The following CCDC142 variants were observed in gnomAD, a reference collection of about 807,000 sequenced individuals.
CCDC142 encodes the protein coiled-coil domain-containing protein 142.
CCDC142 carries 67 observed loss-of-function variants against 83.8 expected under a neutral mutation model. The ratio of observed to expected loss-of-function variants is 0.80; its 90% CI spans 0.66 to 0.98. CCDC142 has a LOEUF of 0.98. Among genes scored for constraint, CCDC142 ranks in the 50% least tolerant of loss-of-function variants. The pLI, the probability that CCDC142 is intolerant of heterozygous loss-of-function variation, is 0.00. For synonymous variants in CCDC142, 421 were observed against 421.2 expected (o/e 1.00, Z 0.01); for missense variants, 905 against 946.8 (o/e 0.96, Z 0.58).
chr2:74,482,383 GC>G lies in CCDC142; in HGVS notation c.454del (p.Ala152ArgfsTer16). The G allele has an allele frequency of 6.3e-7, 1 of 1,577,520 alleles. No homozygotes were observed. On this transcript the variant is annotated frameshift_variant, in exon 1 of 9. Coordinates refer to ENST00000393965, the MANE Select transcript of CCDC142 (RefSeq NM_001365575.2). LOFTEE classifies it high-confidence loss of function. This position sits in a 1 kb window ranked among gnomAD's most constrained non-coding sequence, Gnocchi z 5.0. ...CTCCCCAGGGCCGATTCGCAGAACC[GC>G]CCCTTGGGAAGGGTGCAGCTGCAGG... ...RDLQLHPSQGAVLRIGPGETL... is the reference protein window; with the variant it reads ...RDLQLHPSQGXVLRIGPGETL...
At chr2:74,477,344 C>G (rs941247471) in intron 5 of CCDC142, among the ~76,000 whole-genome samples, 1 of 152,180 alleles carries the variant, frequency 6.6e-6, no homozygotes, top group Non-Finnish European at 1.5e-5. Flanking sequence ...TCACAAACTC[C>G]TGACCTCAAG....
chr2:74,476,292 G>C (rs930658123), intron 5 of CCDC142, among the ~76,000 whole-genome samples: 2 of 151,984 alleles, frequency 1.3e-5, no homozygotes, highest in Non-Finnish European at 2.9e-5. Context: ...CCTGCCTCAG[G>C]CTCCCAAGTA....
At chr2:74,475,781 T>C in intron 5 of CCDC142, 55 bp from the exon 6 acceptor site, 1 of 1,096,164 alleles carries the variant, frequency 9.1e-7, no homozygotes. Context: ...TGATCCTCTA[T>C]ATCTAAGGAG....
intron 6 of CCDC142, 47 bp from the exon 7 acceptor site, chr2:74,475,449 C>A (rs751875990): frequency 6.6e-7 from 1 of 1,520,004 alleles, no homozygotes; most frequent in East Asian, 2.3e-5. Context: ...TCCATTGAAC[C>A]CCTAAATGGA....
intron 5 of CCDC142, among the ~76,000 whole-genome samples, chr2:74,478,047 T>C (rs975610361): frequency 2.0e-5 from 3 of 147,166 alleles, no homozygotes; most frequent in East Asian, 3.9e-4. Context: ...TATATAGATA[T>C]AATATAAATA....
At position 74,475,121 on chromosome 2, in the gene CCDC142, G is replaced by A. The variant is rs761412740; in HGVS notation, c.1797-6C>T. On this transcript the variant is annotated splice_region_variant and splice_polypyrimidine_tract_variant and intron_variant, in intron 7 of 8. Coordinates refer to ENST00000393965, the MANE Select transcript of CCDC142 (RefSeq NM_001365575.2). ...GCTGCAGCGCTCCCTGCAGGCTGAAGGCAGAGGTACAGTATGGCCACTTGA... is the reference window on the plus strand; with the variant it reads ...GCTGCAGCGCTCCCTGCAGGCTGAAAGCAGAGGTACAGTATGGCCACTTGA... 7.5e-6 allele frequency: 12 copies of A among 1,610,202 alleles called. No individual in the cohort carries two copies. In the South Asian group the frequency reaches 1.2e-4, roughly 16 times the overall value.
intron 5 of CCDC142, among the ~76,000 whole-genome samples, chr2:74,476,334 A>C (rs1464360264): frequency 2.0e-5 from 3 of 152,068 alleles, no homozygotes; most frequent in Non-Finnish European, 4.4e-5. Context: ...CACCACACCC[A>C]GCTAATTTTT....
rs1194542725 is a variant in CCDC142, at chr2:74,481,159, CAG to C, written c.1258+62_1258+63del. 3 of 1,611,100 alleles carry C rather than the reference CAG, an allele frequency of 1.9e-6. No homozygotes were observed. In the African/African-American group the frequency reaches 4.0e-5, roughly 22 times the overall value. On this transcript the variant is annotated intron_variant, in intron 3 of 8. Coordinates refer to ENST00000393965, the MANE Select transcript of CCDC142 (RefSeq NM_001365575.2). The stretch of plus-strand genomic sequence containing the variant: ...CTTTGGGAAGAGGCAGATTTCAGAA[CAG>C]AGTGAAAGAAAAGAGATATCCTCAA...
Position 74,474,712 on chromosome 2 carries a change from G to T in CCDC142, c.2087C>A (p.Ser696Tyr). 33 of 1,614,228 alleles carry T rather than the reference G, an allele frequency of 2.0e-5. No individual in the cohort carries two copies. The highest frequency in any genetic ancestry group is 2.8e-5 in the Non-Finnish European group (33 of 1,180,044). The change falls in exon 9 of 9, where the codon TCT (serine) becomes TAT (tyrosine). Residue 696 changes from serine (S) to tyrosine (Y), a missense_variant. Physicochemically the swap from Ser to Tyr is moderately radical, Grantham distance 144. Transcript: ENST00000393965. ...SLEPPLQPGTSPAQTGQLQST... is the reference protein window; with the variant it reads ...SLEPPLQPGTYPAQTGQLQST... ...TTGCAGCTGACCTGTCTGGGCTGGA[G>T]ATGTTCCAGGCTGGAGCGGGGGCTC...
At position 74,475,364 on chromosome 2, in the gene CCDC142, C is replaced by T. The variant is rs1472030959; in HGVS notation, c.1657G>A (p.Val553Ile). The T allele has an allele frequency of 2.5e-6, 4 of 1,602,994 alleles. No individual in the cohort carries two copies. Among genetic ancestry groups the T allele is most frequent in the Non-Finnish European group, 3.4e-6 (4 of 1,174,176 alleles). The stretch of plus-strand genomic sequence containing the variant: ...AACACAGGCTCCAGTACGGTGCGGA[C>T]CACTAAACCAGCATACTCACTAGGA... ...SAPSEYAGLVVRTVLEPVLQG... is the reference protein window; with the variant it reads ...SAPSEYAGLVIRTVLEPVLQG... Residue 553 changes from valine to isoleucine, a missense_variant, in exon 7 of 9, where the codon GTC (valine) becomes ATC (isoleucine). By Grantham distance (29) the Val-to-Ile change is conservative. Transcript: ENST00000393965.
At position 74,481,244 on chromosome 2, in the gene CCDC142, G is replaced by C. The variant is rs200358407; in HGVS notation, c.1237C>G (p.Arg413Gly). 4.3e-6 allele frequency: 7 copies of C among 1,613,968 alleles called. No individual in the cohort carries two copies. In the Admixed American group the frequency reaches 6.7e-5, roughly 15 times the overall value. The change falls in exon 3 of 9, where the codon CGG becomes GGG. Residue 413 changes from arginine (R) to glycine (G), a missense_variant. By Grantham distance (125) the Arg-to-Gly change is moderately radical. Around this residue, in one of 3 missense-constraint regions of CCDC142, gnomAD observed 591 missense variants for 571.4 expected, o/e 1.03. Transcript: ENST00000393965. ...TCACCTGCAGGCTGGCAGAAAATCC[G>C]TCGTAACCTGGGCTCTCGAAGGGCA... ...LDALREPRLR[R>G]IFCQPADPAP...
Position 74,475,644 on chromosome 2 carries a change from C to G in CCDC142, c.1586G>C (p.Arg529Pro), listed in dbSNP as rs774851070. Residue 529 changes from arginine (R) to proline (P), a missense_variant, in exon 6 of 9, where the codon CGG (arginine) becomes CCG (proline). Arg to Pro is a moderately radical substitution (Grantham distance 103). Around this residue, in one of 3 missense-constraint regions of CCDC142, gnomAD observed 265 missense variants for 288.9 expected, o/e 0.92. Transcript: ENST00000393965. ...GAGACGAAGCCGCCAGTACCGACCCCGTGGCATGTAGAGCTTGAAACCTTG... is the reference window on the plus strand; with the variant it reads ...GAGACGAAGCCGCCAGTACCGACCCGGTGGCATGTAGAGCTTGAAACCTTG... Reference protein sequence around the residue: ...AMQGFKLYMPRGRYWRLRLCP... With the variant: ...AMQGFKLYMPPGRYWRLRLCP... 6 of 1,613,920 alleles carry G rather than the reference C, an allele frequency of 3.7e-6. No individual in the cohort carries two copies. The highest frequency in any genetic ancestry group is 4.2e-6 in the Non-Finnish European group (5 of 1,180,004).
intron 5 of CCDC142, among the ~76,000 whole-genome samples, chr2:74,476,211 C>T (rs763822676): frequency 3.3e-5 from 5 of 152,048 alleles, no homozygotes; most frequent in Non-Finnish European, 7.4e-5. Flanking sequence ...CTTGCTGTGT[C>T]GCCCAGACTG....
chr2:74,473,603 A>AGGCGTGAGCC lies in CCDC142; in HGVS notation c.*933_*942dup, dbSNP rs1232237202. On this transcript the variant is annotated 3_prime_UTR_variant, in exon 9 of 9. Transcript: ENST00000393965. ...AAGTGCTGGGATTACAGGCGTGAGC[A>AGGCGTGAGCC]GGCGTGAGCCCCCTCACCTGGCCGA... is the stretch of plus-strand genomic sequence containing the variant. 2.0e-5 allele frequency among the ~76,000 whole-genome samples: 3 copies of AGGCGTGAGCC among 150,434 alleles called. No homozygotes were observed. The highest frequency in any genetic ancestry group is 4.5e-5 in the Non-Finnish European group (3 of 67,398).
In CCDC142 at chr2:74,474,618, G is replaced by A. The variant is rs780945153; in HGVS notation, c.2181C>T (p.Ala727=). 6.2e-7 allele frequency: 1 copy of A among 1,614,216 alleles called. No homozygotes were observed. The highest frequency in any genetic ancestry group is 8.5e-7 in the Non-Finnish European group (1 of 1,180,038). The change falls in exon 9 of 9, where the codon GCC becomes GCT. Residue 727 remains alanine, a synonymous_variant. Transcript: ENST00000393965. ...YLVGNQQAWL[A]LRQHQRPRWH... ...AACGGGGTCGCTGGTGTTGCCTGAG[G>A]GCAAGCCAGGCCTGCTGATTTCCCA... is the stretch of plus-strand genomic sequence containing the variant.
Position 74,482,062 on chromosome 2 carries a change from G to A in CCDC142, c.776C>T (p.Ala259Val), listed in dbSNP as rs1558575524. 6.2e-7 allele frequency: 1 copy of A among 1,613,546 alleles called. No homozygotes were observed. The highest frequency in any genetic ancestry group is 1.7e-5 in the Admixed American group (1 of 60,006). Residue 259 changes from alanine to valine, a missense_variant, in exon 1 of 9, where the codon GCG becomes GTG. Ala to Val is a moderately conservative substitution (Grantham distance 64). Coordinates refer to ENST00000393965, the MANE Select transcript of CCDC142 (RefSeq NM_001365575.2). The surrounding 1 kb of genome is among the most constrained non-coding windows in gnomAD (Gnocchi z 5.0). ...CCGCCTGCGGAGCTGGTCCCTCAAC[G>A]CCGATCCTTGGAGCGCCTCGTCCAG... ...SRLDEALQGS[A>V]LRDQLRRRCQ...
intron 5 of CCDC142, among the ~76,000 whole-genome samples, chr2:74,477,369 C>T (rs967590613): frequency 7.9e-5 from 12 of 152,178 alleles, no homozygotes; most frequent in South Asian, 6.2e-4. Context: ...CCACCCATCT[C>T]GGCCTCCCGA....
At position 74,481,463 on chromosome 2, in the gene CCDC142, C is replaced by T. The variant is rs374490576; in HGVS notation, c.1097G>A (p.Ser366Asn). 3.8e-4 allele frequency: 611 copies of T among 1,614,134 alleles called. 4 individuals carry two copies. The South Asian group carries it at 6.2e-3, about 16-fold the overall frequency. Residue 366 changes from serine (S) to asparagine (N), a missense_variant, in exon 2 of 9, where the codon AGC (serine) becomes AAC (asparagine). By Grantham distance (46) the Ser-to-Asn change is conservative. Around this residue, in one of 3 missense-constraint regions of CCDC142, gnomAD observed 591 missense variants for 571.4 expected, o/e 1.03. Transcript: ENST00000393965. ...HRLLHQSLIWSWDQGFCQALG... is the reference protein window; with the variant it reads ...HRLLHQSLIWNWDQGFCQALG... The stretch of plus-strand genomic sequence containing the variant: ...CCCTTCCTTCTCACCTTGGTCCCAG[C>T]TCCAGATAAGCGACTGATGAAGTAG...
In CCDC142 at chr2:74,482,148, G is replaced by C; in HGVS notation, c.690C>G (p.Phe230Leu). ...AGAGGCGGAGCACACGGGACGTGGG[G>C]AAAGGACGTGCGGCCCCTGGGACGT... ...LSHVPGAARPFPTSRVLRLLT... is the reference protein window; with the variant it reads ...LSHVPGAARPLPTSRVLRLLT... The change falls in exon 1 of 9, where the codon TTC becomes TTG. Residue 230 changes from phenylalanine (F) to leucine (L), a missense_variant. By Grantham distance (22) the Phe-to-Leu change is conservative (BLOSUM62 0). This residue lies in a region of CCDC142 where 591 missense variants were observed against 571.4 expected (regional missense o/e 1.03). Transcript: ENST00000393965. This position sits in a 1 kb window ranked among gnomAD's most constrained non-coding sequence, Gnocchi z 5.0. The C allele has an allele frequency of 6.2e-7, 1 of 1,613,756 alleles. No individual in the cohort carries two copies. The highest frequency in any genetic ancestry group is 1.6e-4 in the Middle Eastern group (1 of 6,062).
Sources: allele counts gnomAD v4.1 joint callset (sites outside exome capture counted in the v4.1 genomes callset), GRCh38; gene constraint gnomAD v4.1.1; regional missense constraint gnomAD v4.1.1; non-coding constraint Gnocchi (gnomAD v3.1); transcripts MANE v1.5; gene names NCBI Gene and HGNC (gene_info 2026-07-23, HGNC 2026-07-21).